The following MYOM2 variants were observed in gnomAD, a reference collection of about 807,000 sequenced individuals.
The protein encoded by MYOM2 is myomesin 2, also known as myomesin-2.
A neutral mutation model predicts 187.6 loss-of-function variants in MYOM2; 254 were observed. The ratio of observed to expected loss-of-function variants is 1.35; its 90% CI spans 1.22 to 1.50. The LOEUF is 1.50. MYOM2 is among the 40% of genes most tolerant of loss of function. MYOM2 has a pLI of 0.00. For synonymous variants in MYOM2, 981 were observed against 753.8 expected, an observed-to-expected ratio of 1.30 and a Z score of -4.94; for missense variants, 2,796 against 1,924.0, an observed-to-expected ratio of 1.45 and a Z score of -8.48.
rs117812297 is a variant in MYOM2 at position 2,141,896 on chromosome 8, C to A, written c.4002-479C>A. 4.7e-3 allele frequency among the ~76,000 whole-genome samples: 714 copies of A among 152,264 alleles called. 13 individuals carry two copies. The highest frequency in any genetic ancestry group is 0.045 in the East Asian group (231 of 5,170). ...ATCACACACAGCAACTTTTTAAGGA[C>A]AATTCGGGGTTTTCAAATGCACCAT... On this transcript the variant is annotated intron_variant, in intron 34 of 36. Transcript: ENST00000262113.
At chr8:2,105,160 A>C (rs570335638) in intron 21 of MYOM2, among the ~76,000 whole-genome samples, 4 of 152,224 alleles carry the variant, frequency 2.6e-5, no homozygotes, top group African/African-American at 9.6e-5. Context: ...GGGATCATCC[A>C]CATCCAAACC....
chr8:2,142,698 C>T (rs1371483668), intron 35 of MYOM2, among the ~76,000 whole-genome samples: 3 of 118,580 alleles, frequency 2.5e-5, no homozygotes, highest in South Asian at 3.7e-4. Context: ...TTCCTCCCTC[C>T]CCTCCCCTTC....
intron 32 of MYOM2, among the ~76,000 whole-genome samples, chr8:2,133,237 C>T (rs186388986): frequency 2.6e-5 from 4 of 152,222 alleles, no homozygotes; most frequent in Non-Finnish European, 5.9e-5. Context: ...GGTCTGCATT[C>T]CTCAACACTG....
At chr8:2,107,840 C>G (rs1488755739) in intron 23 of MYOM2, among the ~76,000 whole-genome samples, 3 of 152,232 alleles carry the variant, frequency 2.0e-5, no homozygotes, top group Admixed American at 1.3e-4. Flanking sequence ...CTGTGCATTC[C>G]TCTGCACCAT....
At chr8:2,100,157 C>CTTCT (rs1796654773) in intron 19 of MYOM2, among the ~76,000 whole-genome samples, 82 of 127,788 alleles carry the variant, frequency 6.4e-4, no homozygotes, top group African/African-American at 2.6e-3. Context: ...TCCTTCCTTC[C>CTTCT]TTCCTTCCTT....
intron 1 of MYOM2, among the ~76,000 whole-genome samples, chr8:2,047,994 G>C (rs1818363447): frequency 6.6e-6 from 1 of 152,224 alleles, no homozygotes; most frequent in Non-Finnish European, 1.5e-5. Context: ...CCAGGTCTTA[G>C]GTCTAAGGAG....
At chr8:2,088,475 G>A (rs116437082) in intron 14 of MYOM2, among the ~76,000 whole-genome samples, 3,398 of 152,236 alleles carry the variant, frequency 0.022, 124 homozygotes, top group African/African-American at 0.077. Flanking sequence ...CTTCGTGTGC[G>A]TGTGTACCCA....
chr8:2,126,503 A>G (rs577775717), intron 31 of MYOM2, among the ~76,000 whole-genome samples: 1 of 152,176 alleles, frequency 6.6e-6, no homozygotes, highest in South Asian at 2.1e-4. Context: ...CTTACATGTG[A>G]ACTCACACAC....
rs990912145 is a variant in MYOM2 at position 2,086,091 on chromosome 8, T to C, written c.1644+701T>C. On this transcript the variant is annotated intron_variant, in intron 14 of 36. Transcript: ENST00000262113. ...TGTGGCCCCCTACTGTCGTGATCTCTGCGTGGCCCCCCACTGTTGTGATCT... is the reference window on the plus strand; with the variant it reads ...TGTGGCCCCCTACTGTCGTGATCTCCGCGTGGCCCCCCACTGTTGTGATCT... 3.5e-4 allele frequency among the ~76,000 whole-genome samples: 2 copies of C among 5,676 alleles called. 1 individual carries two copies. Among genetic ancestry groups the C allele is most frequent in the Non-Finnish European group, 5.3e-4 (2 of 3,762 alleles). 3.7% of individuals were successfully genotyped at this position (5,676 alleles called of 152,430 possible). A position where few individuals can be genotyped will look rare whatever the true frequency, so the allele number is the denominator to read the frequency against.
intron 13 of MYOM2, among the ~76,000 whole-genome samples, chr8:2,083,007 A>G (rs4876232): frequency 0.013 from 1,908 of 152,292 alleles, 28 homozygotes; most frequent in African/African-American, 0.043. Flanking sequence ...TAGGAAAGTG[A>G]TATGTTTTTA....
chr8:2,090,001 T>G lies in MYOM2; in HGVS notation c.1645-7T>G. 1 of 1,613,310 alleles carries G rather than the reference T, an allele frequency of 6.2e-7. No individual in the cohort carries two copies. Among genetic ancestry groups the G allele is most frequent in the South Asian group, 1.1e-5 (1 of 91,020 alleles). On this transcript the variant is annotated splice_region_variant and splice_polypyrimidine_tract_variant and intron_variant, in intron 14 of 36. Transcript: ENST00000262113. ...ACTGCCAGTCTCGTTTCTGTTTCTC[T>G]TTGTAGTCCGTGGTGGGGAGCGGCA...
rs780053323 is a variant in MYOM2 at position 2,144,776 on chromosome 8, C to G, written c.4193C>G (p.Ala1398Gly). The G allele has an allele frequency of 1.9e-6, 3 of 1,614,058 alleles. No individual in the cohort carries two copies. The highest frequency in any genetic ancestry group is 1.7e-5 in the Admixed American group (1 of 60,004). Residue 1398 changes from alanine to glycine, a missense_variant, in exon 37 of 37, where the codon GCC becomes GGC. By Grantham distance (60) the Ala-to-Gly change is moderately conservative. Coordinates refer to ENST00000262113, the MANE Select transcript of MYOM2 (RefSeq NM_003970.4). ...CACTTCTCGGTGAAGGTGGAGCAGGCCAAGTACGTCAGCATGACCATCAAA... is the reference window on the plus strand; with the variant it reads ...CACTTCTCGGTGAAGGTGGAGCAGGGCAAGTACGTCAGCATGACCATCAAA... Reference protein sequence around the residue: ...SEHFSVKVEQAKYVSMTIKGV... With the variant: ...SEHFSVKVEQGKYVSMTIKGV...
Position 2,082,798 on chromosome 8 carries a change from C to A in MYOM2, c.1517-2465C>A, listed in dbSNP as rs141489393. Among the ~76,000 whole-genome samples, 590 of 152,310 alleles carry A rather than the reference C, an allele frequency of 3.9e-3. 6 individuals are homozygous for A. The highest frequency in any genetic ancestry group is 0.014 in the African/African-American group (574 of 41,564). On this transcript the variant is annotated intron_variant, in intron 13 of 36. Transcript: ENST00000262113. ...GGCCGGGGCATTTGCAGCCCACATG[C>A]TCAGTCATTTGCTCTGTGCTCTGCA...
intron 32 of MYOM2, among the ~76,000 whole-genome samples, chr8:2,130,228 A>C (rs1483490224): frequency 7.3e-6 from 1 of 137,256 alleles, no homozygotes; most frequent in African/African-American, 3.1e-5. Flanking sequence ...TCAGTACCGT[A>C]TACCCAGGGC....
intron 25 of MYOM2, among the ~76,000 whole-genome samples, chr8:2,114,565 C>A (rs1008602399): frequency 6.6e-6 from 1 of 152,154 alleles, no homozygotes; most frequent in African/African-American, 2.4e-5. Flanking sequence ...TCCTCTGCCT[C>A]CTGAGTTCAA....
intron 31 of MYOM2, among the ~76,000 whole-genome samples, chr8:2,124,468 C>A (rs1234317558): frequency 1.3e-5 from 2 of 152,210 alleles, no homozygotes; most frequent in Non-Finnish European, 2.9e-5. Flanking sequence ...GCCACTTCTT[C>A]CATCCTGTCT....
intron 13 of MYOM2, among the ~76,000 whole-genome samples, chr8:2,084,315 C>T (rs913464196): frequency 1.3e-5 from 2 of 152,174 alleles, no homozygotes; most frequent in African/African-American, 2.4e-5. Flanking sequence ...CTGTAATGCG[C>T]TGTGCAACAG....
At chr8:2,133,116 G>C (rs999687845) in intron 32 of MYOM2, among the ~76,000 whole-genome samples, 2 of 152,002 alleles carry the variant, frequency 1.3e-5, no homozygotes, top group East Asian at 3.9e-4. Context: ...GGTGTTTCCA[G>C]TTCTCTGCAT....
chr8:2,077,675 G>A (rs763571328), intron 11 of MYOM2, among the ~76,000 whole-genome samples: 6 of 152,096 alleles, frequency 3.9e-5, no homozygotes, highest in South Asian at 2.1e-4. Context: ...AAGTTTTCCC[G>A]CCATGTTGAC....
Sources: gnomAD v4.1 joint callset for allele counts (sites outside exome capture counted in the v4.1 genomes callset) on GRCh38, gnomAD v4.1.1 for gene constraint, MANE v1.5 for transcripts, NCBI Gene and HGNC (gene_info 2026-07-23, HGNC 2026-07-21) for gene names.